The following TNS1 variants were observed in gnomAD, a reference collection of about 807,000 sequenced individuals.
TNS1 encodes the protein tensin-1.
Under a neutral mutation model 168.6 loss-of-function variants are expected in TNS1, and 62 were observed. The ratio of observed to expected loss-of-function variants is 0.37; its 90% CI spans 0.30 to 0.45. TNS1 has a LOEUF of 0.45. TNS1 is among the 20% of genes least tolerant of loss of function. TNS1 has a pLI of 1.00. For synonymous variants in TNS1, 934 were observed against 933.2 expected, an observed-to-expected ratio of 1.00 and a Z score of -0.02; for missense variants, 2,240 against 2,339.4, an observed-to-expected ratio of 0.96 and a Z score of 0.88.
At chr2:217,955,953 G>T (rs566150367) in intron 3 of TNS1, among the ~76,000 whole-genome samples, 1 of 152,258 alleles carries the variant, frequency 6.6e-6, no homozygotes, top group Admixed American at 6.5e-5. Context: ...CAGGCATCTG[G>T]GGGTTGTTCT....
intron 4 of TNS1, among the ~76,000 whole-genome samples, chr2:217,914,974 C>T (rs966216431): frequency 3.3e-5 from 5 of 152,194 alleles, no homozygotes; most frequent in South Asian, 4.1e-4. Flanking sequence ...CTAGGCTAAG[C>T]GGCCCTAGGG....
chr2:217,932,142 G>T (rs145185332), intron 3 of TNS1, among the ~76,000 whole-genome samples: 4 of 152,132 alleles, frequency 2.6e-5, no homozygotes, highest in Admixed American at 6.5e-5. Flanking sequence ...TGGTACCTGG[G>T]AGCAGATTCA....
At chr2:217,928,211 G>C (rs1323704357) in intron 3 of TNS1, among the ~76,000 whole-genome samples, 1 of 152,246 alleles carries the variant, frequency 6.6e-6, no homozygotes, top group South Asian at 2.1e-4. Context: ...AGATTACAAG[G>C]CTTGCCTGAA....
intron 1 of TNS1, among the ~76,000 whole-genome samples, chr2:217,999,715 A>G (rs1407597355): frequency 6.6e-6 from 1 of 152,222 alleles, no homozygotes; most frequent in Non-Finnish European, 1.5e-5. Context: ...GCATGACCGG[A>G]ATTGTGCACA....
chr2:217,945,988 T>C (rs775212928), intron 3 of TNS1, among the ~76,000 whole-genome samples: 1 of 152,134 alleles, frequency 6.6e-6, no homozygotes, highest in Non-Finnish European at 1.5e-5. Flanking sequence ...CATCTTCCCC[T>C]TCTCTTCCTT....
At chr2:217,872,221 C>T (rs1949832954) in intron 18 of TNS1, among the ~76,000 whole-genome samples, 2 of 152,186 alleles carry the variant, frequency 1.3e-5, no homozygotes, top group African/African-American at 4.8e-5. Flanking sequence ...AGAAGACCAC[C>T]ATGCAGGCCT....
chr2:217,818,107 C>T lies in TNS1; in HGVS notation c.4225G>A (p.Gly1409Arg), dbSNP rs202059695. Reference protein sequence around the residue: ...PGSPSLGRHLGGSGSVVPGSP... With the variant: ...PGSPSLGRHLRGSGSVVPGSP... ...CCGGGAACCACAGATCCAGACCCTC[C>T]GAGGTGACGGCCCAGGCTGGGGCTT... The change falls in exon 24 of 33, where the codon GGA becomes AGA. Residue 1409 changes from glycine (G) to arginine (R), a missense_variant. Around this residue, in one of 2 missense-constraint regions of TNS1, gnomAD observed 2,131 missense variants for 2,171.2 expected, o/e 0.98. Coordinates refer to ENST00000682258, the MANE Select transcript of TNS1 (RefSeq NM_001387777.1). The T allele has an allele frequency of 4.8e-5, 77 of 1,613,734 alleles. No individual in the cohort carries two copies. The highest frequency in any genetic ancestry group is 3.3e-4 in the Middle Eastern group (2 of 6,084).
At chr2:217,979,111 G>C (rs760114305) in intron 2 of TNS1, among the ~76,000 whole-genome samples, 3 of 151,970 alleles carry the variant, frequency 2.0e-5, no homozygotes, top group Non-Finnish European at 4.4e-5. Context: ...CCCCTGCCAG[G>C]GGCAGAGGTA....
intron 21 of TNS1, 100 bp from the exon 22 acceptor site, chr2:217,831,647 T>C: frequency 1.0e-6 from 1 of 963,912 alleles, no homozygotes; most frequent in East Asian, 3.2e-5. Context: ...GCTGGGGGGC[T>C]GGAGACGGTG....
At position 217,822,437 on chromosome 2, in the gene TNS1, G is replaced by T. The variant is rs557864054; in HGVS notation, c.3374-499C>A. On this transcript the variant is annotated intron_variant, in intron 22 of 32. Coordinates refer to ENST00000682258, the MANE Select transcript of TNS1 (RefSeq NM_001387777.1). Reference sequence around the variant, plus strand: ...AAACAGCCTTGGCCACCTAGCAACAGGCCTGCACTGGTGAGTCTTGCCCTG... The same window carrying T: ...AAACAGCCTTGGCCACCTAGCAACATGCCTGCACTGGTGAGTCTTGCCCTG... 3.9e-5 allele frequency among the ~76,000 whole-genome samples: 6 copies of T among 152,208 alleles called. 1 individual carries two copies. Among genetic ancestry groups the T allele is most frequent in the South Asian group, 2.1e-4 (1 of 4,818 alleles).
chr2:217,888,065 G>T (rs931809301), intron 12 of TNS1, among the ~76,000 whole-genome samples: 1 of 152,210 alleles, frequency 6.6e-6, no homozygotes, highest in Non-Finnish European at 1.5e-5. Flanking sequence ...CCTGGGTTTG[G>T]GTGGGGCCTC....
chr2:217,805,434 C>T (rs1482034405), intron 32 of TNS1, among the ~76,000 whole-genome samples: 1 of 73,680 alleles, frequency 1.4e-5, no homozygotes, highest in East Asian at 3.5e-4. Flanking sequence ...CACACACATG[C>T]ACCACACACA....
chr2:217,847,514 T>C lies in TNS1; in HGVS notation c.3003A>G (p.Val1001=). 6.8e-7 allele frequency: 1 copy of C among 1,465,424 alleles called. No homozygotes were observed. Among genetic ancestry groups the C allele is most frequent in the Non-Finnish European group, 9.1e-7 (1 of 1,102,010 alleles). The allele number at this position is 1,465,424 out of a possible 1,614,324, so 90.8% of individuals were successfully genotyped here. Residue 1001 remains valine (V), a synonymous_variant, in exon 19 of 33, where the codon GTA becomes GTG. Transcript: ENST00000682258. ...LNLEGLVAHR[V]AGVQAREKQP... ...TCAGGACTGAATACCTCTTACCTGC[T>C]ACCCTGTGGGCCACCAGCCCTTCTA...
chr2:217,808,072 T>C lies in TNS1; in HGVS notation c.5375+3A>G, dbSNP rs762772062. 3 of 1,613,244 alleles carry C rather than the reference T, an allele frequency of 1.9e-6. No individual in the cohort carries two copies. The East Asian group carries it at 6.7e-5, about 36-fold the overall frequency. On this transcript the variant is annotated splice_donor_region_variant and intron_variant, in intron 32 of 32. Transcript: ENST00000682258. The stretch of plus-strand genomic sequence containing the variant: ...CTGGGCAGGGGTAAGAAGTCACACT[T>C]ACTTAGCAGGGGCACCACCCTCTGT...
chr2:217,933,913 T>A (rs57850673), intron 3 of TNS1, among the ~76,000 whole-genome samples: 3,339 of 152,184 alleles, frequency 0.022, 133 homozygotes, highest in African/African-American at 0.074. Context: ...GTAGCTGGAA[T>A]TTTAGGGACA....
intron 1 of TNS1, among the ~76,000 whole-genome samples, chr2:218,009,873 G>A (rs944175616): frequency 6.6e-6 from 1 of 152,204 alleles, no homozygotes; most frequent in East Asian, 1.9e-4. Context: ...GTGCGCTGGG[G>A]GAGGGGCAGC....
intron 23 of TNS1, among the ~76,000 whole-genome samples, chr2:217,820,636 G>A (rs1942692292): frequency 6.6e-6 from 1 of 152,116 alleles, no homozygotes; most frequent in East Asian, 1.9e-4. Context: ...TCAGGGCAGA[G>A]TCTCCCCTCC....
At chr2:217,975,647 C>T (rs1957876136) in intron 3 of TNS1, among the ~76,000 whole-genome samples, 2 of 152,142 alleles carry the variant, frequency 1.3e-5, no homozygotes, top group Non-Finnish European at 2.9e-5. Context: ...TCGCATACCT[C>T]GTCTATCTCA....
intron 4 of TNS1, 85 bp from the exon 5 acceptor site, chr2:217,907,336 G>T (rs1953833018): frequency 1.4e-6 from 1 of 691,930 alleles, no homozygotes; most frequent in Admixed American, 2.0e-5. Context: ...TGGCCCTGAT[G>T]GGCAGAATGC....
Sources: gnomAD v4.1 joint callset for allele counts (sites outside exome capture counted in the v4.1 genomes callset) on GRCh38, gnomAD v4.1.1 for gene constraint, gnomAD v4.1.1 regional missense constraint, MANE v1.5 for transcripts, NCBI Gene and HGNC (gene_info 2026-07-23, HGNC 2026-07-21) for gene names.